Variants in INPP5A observed in about 807,000 individuals in gnomAD.
INPP5A encodes inositol polyphosphate-5-phosphatase A.
In INPP5A, 14 loss-of-function variants were observed where a neutral mutation model predicts 65.2. That is an observed-to-expected ratio of 0.21 (90% CI 0.14 to 0.34). The LOEUF (loss-of-function observed/expected upper bound fraction) is 0.34. INPP5A is among the 10% of genes least tolerant of loss of function. The pLI is 1.00. For synonymous variants in INPP5A, 207 were observed against 208.3 expected (o/e 0.99, Z 0.05); for missense variants, 431 against 545.6 (o/e 0.79, Z 2.09).
chr10:132,559,293 G>C (rs920288270), intron 1 of INPP5A, among the ~76,000 whole-genome samples: 15 of 152,330 alleles, frequency 9.8e-5, no homozygotes, highest in African/African-American at 3.1e-4. Context: ...CCCCATCAGT[G>C]GGGGGTTAGT....
At chr10:132,607,997 A>G in intron 2 of INPP5A, 41 bp downstream of exon 2, 2 of 1,592,484 alleles carry the variant, frequency 1.3e-6, no homozygotes, top group Non-Finnish European at 1.7e-6. Context: ...TTCATTACTT[A>G]GCCAATAAGG....
intron 6 of INPP5A, among the ~76,000 whole-genome samples, chr10:132,703,540 C>T (rs1040199593): frequency 6.7e-6 from 1 of 148,466 alleles, no homozygotes; most frequent in Non-Finnish European, 1.5e-5. Context: ...TTTACCCATA[C>T]ACACACGTGG....
chr10:132,661,811 A>T (rs1357952775), intron 4 of INPP5A, among the ~76,000 whole-genome samples: 1 of 152,236 alleles, frequency 6.6e-6, no homozygotes, highest in Non-Finnish European at 1.5e-5. Context: ...AAATCAGTAT[A>T]GTATTGGCAT....
intron 1 of INPP5A, among the ~76,000 whole-genome samples, chr10:132,607,188 G>A (rs146984069): frequency 1.9e-3 from 282 of 152,324 alleles, no homozygotes; most frequent in African/African-American, 5.2e-3. Context: ...GGTGGAGAGC[G>A]ACTGGGCCGT....
intron 2 of INPP5A, among the ~76,000 whole-genome samples, chr10:132,623,135 A>T (rs1290412071): frequency 6.6e-6 from 1 of 152,226 alleles, no homozygotes. Context: ...GTAGAACTCT[A>T]TAAGATTATT....
chr10:132,558,367 C>A (rs1246697615), intron 1 of INPP5A, among the ~76,000 whole-genome samples: 1 of 152,230 alleles, frequency 6.6e-6, no homozygotes. Flanking sequence ...GTTAATCCCA[C>A]ATGATCCTCG....
intron 12 of INPP5A, among the ~76,000 whole-genome samples, chr10:132,771,789 G>A (rs1247891225): frequency 2.5e-5 from 3 of 119,250 alleles, no homozygotes; most frequent in Admixed American, 1.6e-4. Flanking sequence ...CGGACACTCA[G>A]CACTGACACG....
intron 6 of INPP5A, among the ~76,000 whole-genome samples, chr10:132,701,194 G>A (rs1398299974): frequency 1.3e-5 from 2 of 152,216 alleles, no homozygotes; most frequent in African/African-American, 2.4e-5. Context: ...CCTGCTGAAG[G>A]AACCCTATTA....
In INPP5A at chr10:132,782,217, CGTCT is replaced by C. The variant is rs1280389397; in HGVS notation, c.*193_*196del. The C allele has an allele frequency of 9.9e-6, 7 of 707,530 alleles. No individual in the cohort carries two copies. Among genetic ancestry groups the C allele is most frequent in the South Asian group, 3.2e-5 (2 of 62,360 alleles). The allele number at this position is 707,530 out of a possible 1,614,324, so 43.8% of individuals were successfully genotyped here. ...AGCAGCCTCACATACCTCACTGTCTCGTCTGTCTATGTGACATTAAGTAGAAATA... is the reference window on the plus strand; with the variant it reads ...AGCAGCCTCACATACCTCACTGTCTCGTCTATGTGACATTAAGTAGAAATA... On this transcript the variant is annotated 3_prime_UTR_variant, in exon 16 of 16. Transcript: ENST00000368594. This position sits in a 1 kb window ranked among gnomAD's most constrained non-coding sequence, Gnocchi z 4.4.
chr10:132,602,486 G>A (rs1280745951), intron 1 of INPP5A, among the ~76,000 whole-genome samples: 1 of 152,070 alleles, frequency 6.6e-6, no homozygotes, highest in Non-Finnish European at 1.5e-5. Flanking sequence ...GTAGAGACAG[G>A]GTTTTGTCAT....
At chr10:132,625,249 G>T (rs1273054166) in intron 2 of INPP5A, among the ~76,000 whole-genome samples, 1 of 149,370 alleles carries the variant, frequency 6.7e-6, no homozygotes, top group African/African-American at 2.5e-5. Flanking sequence ...CCCTCACGTG[G>T]CTCAACCCAA....
chr10:132,689,083 A>T (rs952230244), intron 4 of INPP5A, among the ~76,000 whole-genome samples: 4 of 152,218 alleles, frequency 2.6e-5, no homozygotes, highest in Admixed American at 2.6e-4. Flanking sequence ...AATGTGCAAG[A>T]GTGTACAAGT....
chr10:132,713,534 C>T (rs1041598714), intron 8 of INPP5A, among the ~76,000 whole-genome samples: 1 of 152,148 alleles, frequency 6.6e-6, no homozygotes, highest in Admixed American at 6.5e-5. Context: ...CTTGGCTCTC[C>T]TCTGCATCTG....
At chr10:132,722,931 A>G (rs1845913279) in intron 8 of INPP5A, among the ~76,000 whole-genome samples, 1 of 152,056 alleles carries the variant, frequency 6.6e-6, no homozygotes. Flanking sequence ...TCCAAATGGC[A>G]CTATATTGAA....
intron 1 of INPP5A, among the ~76,000 whole-genome samples, chr10:132,597,206 C>T (rs1358123439): frequency 6.6e-6 from 1 of 152,230 alleles, no homozygotes; most frequent in Non-Finnish European, 1.5e-5. Context: ...TTTTCATGGC[C>T]GAGGGTTTAT....
chr10:132,667,532 C>T (rs7078504), intron 4 of INPP5A, among the ~76,000 whole-genome samples: 2,608 of 152,284 alleles, frequency 0.017, 30 homozygotes, highest in Admixed American at 0.026. Flanking sequence ...CTGAAGCCTC[C>T]AGTGGCCCTG....
chr10:132,693,751 A>T (rs1464158442), intron 5 of INPP5A, among the ~76,000 whole-genome samples: 2 of 152,238 alleles, frequency 1.3e-5, no homozygotes, highest in Non-Finnish European at 2.9e-5. Flanking sequence ...TAGGCAGAGC[A>T]GACTTCAGAG....
chr10:132,757,155 T>C (rs1352187756), intron 11 of INPP5A, among the ~76,000 whole-genome samples: 1 of 152,212 alleles, frequency 6.6e-6, no homozygotes, highest in Admixed American at 6.5e-5. Context: ...TTCAGTACAT[T>C]ATGTTACTCT....
Position 132,753,364 on chromosome 10 carries a change from G to A in INPP5A, c.903+3519G>A, listed in dbSNP as rs776149035. 1.9e-4 allele frequency among the ~76,000 whole-genome samples: 29 copies of A among 152,136 alleles called. No individual in the cohort carries two copies. Among genetic ancestry groups the A allele is most frequent in the African/African-American group, 6.5e-4 (27 of 41,426 alleles). On this transcript the variant is annotated intron_variant, in intron 11 of 15. Coordinates refer to ENST00000368594, the MANE Select transcript of INPP5A (RefSeq NM_005539.5). The surrounding 1 kb of genome is among the most constrained non-coding windows in gnomAD (Gnocchi z 5.3). ...CAGGATGGATGTGCCTGCGCCGGTCGCAGCCCCAAGTCCATTGCATCCTTC... is the reference window on the plus strand; with the variant it reads ...CAGGATGGATGTGCCTGCGCCGGTCACAGCCCCAAGTCCATTGCATCCTTC...
Sources: gnomAD v4.1 joint callset for allele counts (sites outside exome capture counted in the v4.1 genomes callset) on GRCh38, gnomAD v4.1.1 for gene constraint, Gnocchi (gnomAD v3.1) non-coding constraint, MANE v1.5 for transcripts, NCBI Gene and HGNC (gene_info 2026-07-23, HGNC 2026-07-21) for gene names.